Variants in AGPAT5 observed in about 807,000 individuals in gnomAD.
AGPAT5 encodes 1-acyl-sn-glycerol-3-phosphate acyltransferase epsilon.
AGPAT5 carries 46 observed loss-of-function variants against 45.6 expected under a neutral mutation model. That is an observed-to-expected ratio of 1.01 (90% CI 0.80 to 1.29). The LOEUF is 1.29. Ranked by LOEUF, AGPAT5 falls within the 50% of genes most tolerant of loss-of-function variation. AGPAT5 has a pLI of 0.00. For missense variants in AGPAT5, 673 were observed against 450.7 expected (o/e 1.49, Z -4.47); for synonymous variants, 272 against 167.0 (o/e 1.63, Z -4.85).
In AGPAT5 at chr8:6,755,185, A is replaced by G. The variant is rs779773321; in HGVS notation, c.869+11A>G. On this transcript the variant is annotated intron_variant, in intron 7 of 7. Coordinates refer to ENST00000285518, the MANE Select transcript of AGPAT5 (RefSeq NM_018361.5). ...CGAAATCAAAGATAAGTGAGTAACA[A>G]CAGTTCCAGCACTTCCGGAACTTCG... 1.9e-6 allele frequency: 3 copies of G among 1,594,168 alleles called. No homozygotes were observed. The highest frequency in any genetic ancestry group is 1.4e-5 in the African/African-American group (1 of 73,728).
intron 1 of AGPAT5, among the ~76,000 whole-genome samples, chr8:6,709,962 A>C (rs1800095123): frequency 6.6e-6 from 1 of 152,220 alleles, no homozygotes; most frequent in Non-Finnish European, 1.5e-5. Context: ...AATGGGCCTC[A>C]TTTAAAAATT....
chr8:6,721,337 C>T (rs1018535501), intron 1 of AGPAT5, among the ~76,000 whole-genome samples: 9 of 152,214 alleles, frequency 5.9e-5, no homozygotes, highest in Admixed American at 1.3e-4. Context: ...AGCTGTACTT[C>T]TGTGTAATCA....
At chr8:6,749,368 C>T (rs927916518) in intron 6 of AGPAT5, among the ~76,000 whole-genome samples, 7 of 152,124 alleles carry the variant, frequency 4.6e-5, no homozygotes, top group Admixed American at 1.3e-4. Flanking sequence ...TGATTGTTCT[C>T]ATAATTGTAT....
intron 3 of AGPAT5, 32 bp from the exon 4 acceptor site, chr8:6,732,529 A>T: frequency 6.4e-7 from 1 of 1,555,332 alleles, no homozygotes; most frequent in Non-Finnish European, 8.7e-7. Context: ...TTTTAAAAGT[A>T]AATGCTCTTT....
intron 6 of AGPAT5, among the ~76,000 whole-genome samples, chr8:6,751,421 C>T (rs1207916566): frequency 6.6e-6 from 1 of 152,228 alleles, no homozygotes; most frequent in African/African-American, 2.4e-5. Context: ...AGGGCCTCTG[C>T]TCCACTCCAC....
rs777204228 is a variant in AGPAT5 at position 6,748,693 on chromosome 8, T to G, written c.745+865T>G. On this transcript the variant is annotated intron_variant, in intron 6 of 7. Transcript: ENST00000285518. ...CTAATATTTGTATTTTTAGTAGATATGCGATTTCACCTTGTTGGCCAGGCT... is the reference window on the plus strand; with the variant it reads ...CTAATATTTGTATTTTTAGTAGATAGGCGATTTCACCTTGTTGGCCAGGCT... 5.3e-5 allele frequency among the ~76,000 whole-genome samples: 8 copies of G among 152,144 alleles called. No individual in the cohort carries two copies. The East Asian group carries it at 1.2e-3, about 22-fold the overall frequency.
At chr8:6,754,753 T>C (rs919179105) in intron 6 of AGPAT5, among the ~76,000 whole-genome samples, 1 of 152,188 alleles carries the variant, frequency 6.6e-6, no homozygotes, top group Non-Finnish European at 1.5e-5. Flanking sequence ...CTGGGCTGTC[T>C]ATAGCACTAA....
chr8:6,720,875 G>A (rs1205450629), intron 1 of AGPAT5, among the ~76,000 whole-genome samples: 3 of 152,214 alleles, frequency 2.0e-5, no homozygotes, highest in Non-Finnish European at 4.4e-5. Context: ...CTCATTGAAT[G>A]CAGTCAGCCA....
chr8:6,718,277 C>T (rs576160123), intron 1 of AGPAT5, among the ~76,000 whole-genome samples: 5 of 152,300 alleles, frequency 3.3e-5, no homozygotes, highest in South Asian at 4.1e-4. Flanking sequence ...CACAGCATGA[C>T]GTGGTTGCTG....
intron 1 of AGPAT5, among the ~76,000 whole-genome samples, chr8:6,716,689 C>T (rs976296372): frequency 1.3e-5 from 2 of 151,988 alleles, no homozygotes; most frequent in African/African-American, 2.4e-5. Flanking sequence ...CAAAATTAGC[C>T]GGGCGTGGTG....
At chr8:6,716,694 G>A (rs1266053662) in intron 1 of AGPAT5, among the ~76,000 whole-genome samples, 1 of 152,036 alleles carries the variant, frequency 6.6e-6, no homozygotes, top group South Asian at 2.1e-4. Context: ...TTAGCCGGGC[G>A]TGGTGGTGCC....
At chr8:6,709,167 G>A (rs75702560) in intron 1 of AGPAT5, 4 of 518,136 alleles carry the variant, frequency 7.7e-6, no homozygotes. Flanking sequence ...AGCAAAGTGG[G>A]TGCAGATGCA....
intron 4 of AGPAT5, among the ~76,000 whole-genome samples, chr8:6,741,005 C>CAAATTT (rs1801228001): frequency 6.6e-6 from 1 of 152,086 alleles, no homozygotes; most frequent in Non-Finnish European, 1.5e-5. Flanking sequence ...TTTTACTTTC[C>CAAATTT]TAAGCAGATA....
chr8:6,728,514 T>C (rs1293880214), intron 2 of AGPAT5, among the ~76,000 whole-genome samples: 4 of 152,226 alleles, frequency 2.6e-5, no homozygotes, highest in Non-Finnish European at 4.4e-5. Context: ...ATGAACATGA[T>C]GTATTTTGGA....
chr8:6,733,395 T>C (rs1251379330), intron 4 of AGPAT5, among the ~76,000 whole-genome samples: 1 of 152,192 alleles, frequency 6.6e-6, no homozygotes, highest in African/African-American at 2.4e-5. Context: ...CTGGAGCTCA[T>C]GGTGAAGGAA....
At chr8:6,733,067 C>G (rs981738588) in intron 4 of AGPAT5, among the ~76,000 whole-genome samples, 6 of 151,782 alleles carry the variant, frequency 4.0e-5, no homozygotes, top group Admixed American at 1.3e-4. Flanking sequence ...TACAGAAAAA[C>G]CAAAAAAGGA....
intron 1 of AGPAT5, among the ~76,000 whole-genome samples, chr8:6,714,764 A>G (rs760029260): frequency 6.6e-6 from 1 of 152,166 alleles, no homozygotes; most frequent in South Asian, 2.1e-4. Flanking sequence ...GTTTTTTAGT[A>G]CAGTAGCACG....
intron 5 of AGPAT5, among the ~76,000 whole-genome samples, chr8:6,744,666 C>A (rs1203048098): frequency 6.6e-6 from 1 of 152,198 alleles, no homozygotes; most frequent in Non-Finnish European, 1.5e-5. Flanking sequence ...GGCACTGGCT[C>A]GCCCACACCA....
intron 1 of AGPAT5, among the ~76,000 whole-genome samples, chr8:6,716,873 C>T (rs990743272): frequency 1.3e-4 from 20 of 152,096 alleles, no homozygotes; most frequent in African/African-American, 4.8e-4. Flanking sequence ...AGAGAAAAGG[C>T]AGAGTACTCT....
Sources: gnomAD v4.1 joint callset for allele counts (sites outside exome capture counted in the v4.1 genomes callset) on GRCh38, gnomAD v4.1.1 for gene constraint, MANE v1.5 for transcripts, NCBI Gene and HGNC (gene_info 2026-07-23, HGNC 2026-07-21) for gene names.